Variants in CALN1 observed in about 807,000 individuals in gnomAD.
CALN1 encodes the protein calcium-binding protein 8.
CALN1 carries 17 observed loss-of-function variants against 30.6 expected under a neutral mutation model. That is an observed-to-expected ratio of 0.56 (90% confidence interval 0.38 to 0.83). The LOEUF (loss-of-function observed/expected upper bound fraction) is 0.83. CALN1 is among the 40% of genes least tolerant of loss of function. The pLI, the probability that CALN1 is intolerant of heterozygous loss-of-function variation, is 0.00. For missense variants in CALN1, 291 were observed against 354.9 expected (o/e 0.82, Z 1.45); for synonymous variants, 156 against 131.4 (o/e 1.19, Z -1.28).
At chr7:71,964,619 G>A (rs969381112) in intron 5 of CALN1, among the ~76,000 whole-genome samples, 7 of 151,806 alleles carry the variant, frequency 4.6e-5, no homozygotes, top group Non-Finnish European at 7.4e-5. Context: ...CTGAGATCAC[G>A]CCACTGCACT....
chr7:72,353,546 G>A (rs1399720887), intron 2 of CALN1, among the ~76,000 whole-genome samples: 1 of 152,108 alleles, frequency 6.6e-6, no homozygotes, highest in Non-Finnish European at 1.5e-5. Flanking sequence ...TGAAAACTTA[G>A]AAAGTTTGGA....
chr7:72,465,948 C>T, the CALN1 span, among the ~76,000 whole-genome samples: 2 of 152,228 alleles, frequency 1.3e-5, no homozygotes, highest in Admixed American at 1.3e-4. Context: ...CACCACGAGA[C>T]AATCCTGGGC....
At chr7:72,174,678 T>C (rs1161687390) in intron 3 of CALN1, among the ~76,000 whole-genome samples, 1 of 152,200 alleles carries the variant, frequency 6.6e-6, no homozygotes, top group Non-Finnish European at 1.5e-5. Flanking sequence ...ATCACATTTC[T>C]ATAAAATTTC....
At chr7:72,423,847 A>C (rs1807701002) in intron 1 of CALN1, among the ~76,000 whole-genome samples, 1 of 151,448 alleles carries the variant, frequency 6.6e-6, no homozygotes, top group Non-Finnish European at 1.5e-5. Context: ...CAAAGAAATA[A>C]AGAAAAAAGA....
At chr7:72,070,645 CA>C (rs1804326463) in intron 4 of CALN1, among the ~76,000 whole-genome samples, 1 of 152,052 alleles carries the variant, frequency 6.6e-6, no homozygotes, top group African/African-American at 2.4e-5. Context: ...ATTTTGTATC[CA>C]AAACTTCTCA....
At chr7:72,442,345 C>A (rs1808373302) in intron 1 of CALN1, among the ~76,000 whole-genome samples, 1 of 152,246 alleles carries the variant, frequency 6.6e-6, no homozygotes, top group Admixed American at 6.5e-5. Flanking sequence ...AGCCAAAGTT[C>A]TTACAACGCC....
chr7:72,325,266 C>G (rs756419127), intron 2 of CALN1, among the ~76,000 whole-genome samples: 4 of 152,130 alleles, frequency 2.6e-5, no homozygotes, highest in Admixed American at 2.6e-4. Flanking sequence ...ACTCTGCACT[C>G]TAGTCTGGGT....
Position 72,412,255 on chromosome 7 carries a change from G to C in CALN1, c.-271C>G, listed in dbSNP as rs569905723. On this transcript the variant is annotated 5_prime_UTR_variant, in exon 1 of 7. Transcript: ENST00000395275. ...CGGCCGTGAGCTTTAAAGGTGGCGC[G>C]GACCCAGAGTAAGCAGTAAGCTTTA... 1 of 152,098 alleles carries C rather than the reference G, an allele frequency of 6.6e-6. No homozygotes were observed. The highest frequency in any genetic ancestry group is 2.4e-5 in the African/African-American group (1 of 41,392). 9.4% of individuals were successfully genotyped at this position (152,098 alleles called of 1,614,324 possible).
intron 5 of CALN1, among the ~76,000 whole-genome samples, chr7:71,907,378 T>C (rs1452935923): frequency 6.6e-6 from 1 of 151,980 alleles, no homozygotes; most frequent in East Asian, 1.9e-4. Context: ...GAAGGACAAA[T>C]TGGGGGCCAT....
At chr7:72,223,762 C>T (rs1194008780) in intron 3 of CALN1, among the ~76,000 whole-genome samples, 1 of 152,108 alleles carries the variant, frequency 6.6e-6, no homozygotes, top group African/African-American at 2.4e-5. Context: ...ATGAAATCAA[C>T]AGTGGATTGG....
intron 3 of CALN1, among the ~76,000 whole-genome samples, chr7:72,127,883 A>G (rs1015760524): frequency 6.6e-6 from 1 of 152,162 alleles, no homozygotes; most frequent in Admixed American, 6.6e-5. Flanking sequence ...TAATTATGAG[A>G]AATATGCTGA....
chr7:72,054,416 TAC>T lies in CALN1; in HGVS notation c.389-30649_389-30648del, dbSNP rs1245228025. On this transcript the variant is annotated intron_variant, in intron 4 of 6. Transcript: ENST00000395275. ...GCATATATGTACATATATATATATA[TAC>T]GTGTATATATACACGTATATATATA... is the stretch of plus-strand genomic sequence containing the variant. Among the ~76,000 whole-genome samples, 35 of 49,332 alleles carry T rather than the reference TAC, an allele frequency of 7.1e-4. 2 individuals carry two copies. The East Asian group carries it at 0.27, about 375-fold the overall frequency. 32.4% of individuals were successfully genotyped at this position (49,332 alleles called of 152,430 possible).
chr7:72,287,469 A>G (rs1232262685), intron 2 of CALN1, among the ~76,000 whole-genome samples: 1 of 119,504 alleles, frequency 8.4e-6, no homozygotes, highest in Non-Finnish European at 1.6e-5. Context: ...TTTTTGAGAC[A>G]GAGTCTCGGC....
At chr7:72,027,057 A>G (rs1380119307) in intron 4 of CALN1, among the ~76,000 whole-genome samples, 1 of 152,176 alleles carries the variant, frequency 6.6e-6, no homozygotes, top group African/African-American at 2.4e-5. Context: ...TGGGGTGAAA[A>G]TGGCTTCTTA....
At chr7:72,001,960 CAG>C (rs140959176) in intron 5 of CALN1, among the ~76,000 whole-genome samples, 1,978 of 152,122 alleles carry the variant, frequency 0.013, 26 homozygotes, top group Middle Eastern at 0.044. Context: ...TCAAGTGAAA[CAG>C]AAAAAACATC....
chr7:72,380,734 T>TAGATACAC (rs1804848120), intron 2 of CALN1, among the ~76,000 whole-genome samples: 1 of 151,958 alleles, frequency 6.6e-6, no homozygotes, highest in African/African-American at 2.4e-5. Flanking sequence ...CATAGATACA[T>TAGATACAC]AGATAGATAG....
chr7:71,987,135 A>G (rs1268027803), intron 5 of CALN1, among the ~76,000 whole-genome samples: 6 of 152,172 alleles, frequency 3.9e-5, no homozygotes, highest in Admixed American at 1.3e-4. Context: ...CAAAAAAAAA[A>G]AAAAATCTCC....
At chr7:72,391,012 G>C (rs1373121758) in intron 2 of CALN1, among the ~76,000 whole-genome samples, 1 of 152,072 alleles carries the variant, frequency 6.6e-6, no homozygotes, top group Non-Finnish European at 1.5e-5. Context: ...TTTGTACATT[G>C]TAATTTTTCC....
chr7:71,902,149 G>C (rs1584478230), intron 5 of CALN1, among the ~76,000 whole-genome samples: 1 of 152,194 alleles, frequency 6.6e-6, no homozygotes, highest in East Asian at 1.9e-4. Context: ...GTGTGAACCT[G>C]GGAGGCGGAG....
Sources: allele counts gnomAD v4.1 joint callset (sites outside exome capture counted in the v4.1 genomes callset), GRCh38; gene constraint gnomAD v4.1.1; transcripts MANE v1.5; gene names NCBI Gene and HGNC (gene_info 2026-07-23, HGNC 2026-07-21).